The following GFRA1 variants were observed in gnomAD, a reference collection of about 807,000 sequenced individuals.
The protein encoded by GFRA1 is GDNF family receptor alpha-1.
A neutral mutation model predicts 51.6 loss-of-function variants in GFRA1; 16 were observed. The ratio of observed to expected loss-of-function variants is 0.31; its 90% confidence interval spans 0.21 to 0.47. The LOEUF is 0.47. Among genes scored for constraint, GFRA1 ranks in the 20% least tolerant of loss-of-function variants. GFRA1 has a pLI of 1.00. For synonymous variants in GFRA1, 270 were observed against 241.3 expected (o/e 1.12, Z -1.10); for missense variants, 530 against 594.3 (o/e 0.89, Z 1.13).
chr10:116,252,536 C>T (rs1278543442), intron 4 of GFRA1, among the ~76,000 whole-genome samples: 2 of 152,164 alleles, frequency 1.3e-5, no homozygotes, highest in Non-Finnish European at 2.9e-5. Context: ...GCAAACCAGG[C>T]TATCAATGGT....
intron 4 of GFRA1, among the ~76,000 whole-genome samples, chr10:116,215,202 C>T (rs929760234): frequency 6.6e-6 from 1 of 152,064 alleles, no homozygotes; most frequent in Non-Finnish European, 1.5e-5. Flanking sequence ...AATGAAACAG[C>T]GATCATAGCT....
In GFRA1 at chr10:116,082,077, G is replaced by A. The variant is rs116071975; in HGVS notation, c.1197+7664C>T. 4.8e-3 allele frequency among the ~76,000 whole-genome samples: 724 copies of A among 152,314 alleles called. 2 individuals carry two copies. The highest frequency in any genetic ancestry group is 0.017 in the African/African-American group (695 of 41,580). ...GAGGCAGGACTAGTTCTCAAATACC[G>A]TCTTTTCTGCAACCAAGAATGTTTC... On this transcript the variant is annotated intron_variant, in intron 9 of 10. Coordinates refer to ENST00000355422, the MANE Select transcript of GFRA1 (RefSeq NM_005264.8).
chr10:116,199,496 T>C (rs1381172542), intron 5 of GFRA1, among the ~76,000 whole-genome samples: 2 of 152,246 alleles, frequency 1.3e-5, no homozygotes, highest in Non-Finnish European at 1.5e-5. Context: ...TGAACACTCA[T>C]ACTCCTACCC....
intron 9 of GFRA1, among the ~76,000 whole-genome samples, chr10:116,074,231 C>A (rs187183385): frequency 6.6e-6 from 1 of 152,116 alleles, no homozygotes; most frequent in African/African-American, 2.4e-5. Context: ...GAAGAGGCTG[C>A]GCTGAGATTT....
At chr10:116,252,959 C>T (rs1047349287) in intron 4 of GFRA1, among the ~76,000 whole-genome samples, 2 of 152,182 alleles carry the variant, frequency 1.3e-5, no homozygotes, top group Non-Finnish European at 2.9e-5. Flanking sequence ...GCACTGCACC[C>T]CCCGGCCAAT....
chr10:116,234,618 A>G (rs1966845006), intron 4 of GFRA1, among the ~76,000 whole-genome samples: 1 of 152,236 alleles, frequency 6.6e-6, no homozygotes, highest in South Asian at 2.1e-4. Flanking sequence ...GTATATGCGA[A>G]CATTCTATAA....
At chr10:116,157,004 G>A (rs1330199793) in intron 5 of GFRA1, among the ~76,000 whole-genome samples, 2 of 152,210 alleles carry the variant, frequency 1.3e-5, no homozygotes, top group Non-Finnish European at 2.9e-5. Flanking sequence ...TAGCAACAGA[G>A]CTGTCTTCAA....
intron 4 of GFRA1, among the ~76,000 whole-genome samples, chr10:116,236,022 T>C (rs1040219968): frequency 1.3e-5 from 2 of 152,300 alleles, no homozygotes; most frequent in Middle Eastern, 6.8e-3. Flanking sequence ...AGCCTATCTC[T>C]GTGAGCCTTG....
chr10:116,201,139 T>C (rs190553478), intron 5 of GFRA1, among the ~76,000 whole-genome samples: 239 of 152,124 alleles, frequency 1.6e-3, no homozygotes, highest in Non-Finnish European at 2.6e-3. Context: ...TAAAATAACA[T>C]TTTTTTTCTT....
At chr10:116,106,688 C>T (rs78697956) in intron 6 of GFRA1, among the ~76,000 whole-genome samples, 195 of 151,982 alleles carry the variant, frequency 1.3e-3, no homozygotes, top group African/African-American at 4.3e-3. Context: ...GGAATACTTT[C>T]GGACTCTCAA....
intron 6 of GFRA1, among the ~76,000 whole-genome samples, chr10:116,098,802 C>T (rs947685828): frequency 3.3e-5 from 5 of 152,176 alleles, no homozygotes; most frequent in South Asian, 2.1e-4. Flanking sequence ...TTAACAACCT[C>T]GGAATTGACT....
At chr10:116,170,161 G>C (rs1295701654) in intron 5 of GFRA1, among the ~76,000 whole-genome samples, 1 of 152,202 alleles carries the variant, frequency 6.6e-6, no homozygotes, top group Non-Finnish European at 1.5e-5. Context: ...GAGCAACATG[G>C]AAGTATAGGA....
intron 9 of GFRA1, among the ~76,000 whole-genome samples, chr10:116,081,848 AT>A: frequency 6.6e-6 from 1 of 152,330 alleles, no homozygotes; most frequent in African/African-American, 2.4e-5. Context: ...TAATATTTAT[AT>A]ATTGATTTTA....
intron 5 of GFRA1, among the ~76,000 whole-genome samples, chr10:116,161,747 C>G (rs1444813068): frequency 6.6e-6 from 1 of 152,204 alleles, no homozygotes; most frequent in Non-Finnish European, 1.5e-5. Flanking sequence ...TTGTGAGGCT[C>G]CCTCAGCCAT....
chr10:116,178,299 C>CGAGGG (rs1555163903), intron 5 of GFRA1, among the ~76,000 whole-genome samples: 1 of 138,922 alleles, frequency 7.2e-6, no homozygotes, highest in South Asian at 2.4e-4. Flanking sequence ...CACAAGGGGC[C>CGAGGG]GGGGGGGCGT....
intron 5 of GFRA1, among the ~76,000 whole-genome samples, chr10:116,163,103 C>A (rs1277833117): frequency 6.6e-6 from 1 of 152,256 alleles, no homozygotes; most frequent in Middle Eastern, 3.4e-3. Flanking sequence ...TGAGGAAAAT[C>A]GATGTAATGA....
intron 5 of GFRA1, among the ~76,000 whole-genome samples, chr10:116,149,244 A>C (rs1958963074): frequency 6.6e-6 from 1 of 152,246 alleles, no homozygotes; most frequent in South Asian, 2.1e-4. Context: ...GAAAGCAAGA[A>C]ATAGCAGCAC....
chr10:116,154,225 T>A lies in GFRA1; in HGVS notation c.434-28668A>T, dbSNP rs1391655059. 2.0e-5 allele frequency among the ~76,000 whole-genome samples: 3 copies of A among 152,338 alleles called. No homozygotes were observed. The East Asian group carries it at 5.8e-4, about 29-fold the overall frequency. On this transcript the variant is annotated intron_variant, in intron 5 of 10. Coordinates refer to ENST00000355422, the MANE Select transcript of GFRA1 (RefSeq NM_005264.8). The stretch of plus-strand genomic sequence containing the variant: ...GCATTCTCTTACGACCTGGCAATTT[T>A]ACTCAACAGGAATGTGTCTATACGT...
intron 5 of GFRA1, among the ~76,000 whole-genome samples, chr10:116,171,729 C>A (rs554102206): frequency 6.6e-6 from 1 of 152,194 alleles, no homozygotes; most frequent in African/African-American, 2.4e-5. Context: ...ATGTTGGCAG[C>A]GGCTTTCCTT....
Sources: gnomAD v4.1 joint callset for allele counts (sites outside exome capture counted in the v4.1 genomes callset) on GRCh38, gnomAD v4.1.1 for gene constraint, MANE v1.5 for transcripts, NCBI Gene and HGNC (gene_info 2026-07-23, HGNC 2026-07-21) for gene names.